Variants in HSPA4 observed in about 807,000 individuals in gnomAD.
The protein encoded by HSPA4 is heat shock protein family A (Hsp70) member 4.
In HSPA4, 25 loss-of-function variants were observed where a neutral mutation model predicts 106.2. The observed-to-expected ratio is 0.24, with a 90% CI of 0.17 to 0.33. The LOEUF is 0.33. HSPA4 is among the 10% of genes least tolerant of loss of function. HSPA4 has a pLI of 1.00. For synonymous variants in HSPA4, 332 were observed against 333.6 expected (o/e 1.00, Z 0.05); for missense variants, 841 against 996.0 (o/e 0.84, Z 2.10).
rs1554090695 is a variant in HSPA4, at chr5:133,106,161, TGG to T, written c.*1728_*1729del. ...TTTTTGGTGTGTGTGTGTGTGTGTG[TGG>T]GGAAGGGTGTGGGTGCTGGGATGGG... On this transcript the variant is annotated 3_prime_UTR_variant, in exon 19 of 19. Coordinates refer to ENST00000304858, the MANE Select transcript of HSPA4 (RefSeq NM_002154.4). The T allele has an allele frequency of 9.9e-6, 1 of 101,334 alleles. No homozygotes were observed. The highest frequency in any genetic ancestry group is 1.8e-5 in the Non-Finnish European group (1 of 54,900). The allele number at this position is 101,334 out of a possible 1,614,324, so 6.3% of individuals were successfully genotyped here. A position where few individuals can be genotyped will look rare whatever the true frequency, so the allele number is the denominator to read the frequency against.
At chr5:133,102,362 G>C (rs1056620981) in intron 17 of HSPA4, among the ~76,000 whole-genome samples, 6 of 152,172 alleles carry the variant, frequency 3.9e-5, no homozygotes, top group African/African-American at 1.4e-4. Flanking sequence ...AGAACCATAG[G>C]ATTTGCTGTA....
chr5:133,095,367 A>G (rs916671765), intron 13 of HSPA4, among the ~76,000 whole-genome samples: 2 of 152,226 alleles, frequency 1.3e-5, no homozygotes, highest in African/African-American at 4.8e-5. Context: ...CTGCAATCCT[A>G]AGAGAAGAGT....
chr5:133,097,763 G>A (rs1168111382), intron 15 of HSPA4, among the ~76,000 whole-genome samples: 2 of 151,538 alleles, frequency 1.3e-5, no homozygotes, highest in Non-Finnish European at 2.9e-5. Flanking sequence ...TGATCAGGCT[G>A]GTCTCTAACT....
chr5:133,086,934 C>A, intron 8 of HSPA4, 76 bp downstream of exon 8: 1 of 1,173,184 alleles, frequency 8.5e-7, no homozygotes, highest in African/African-American at 1.5e-5. Context: ...CTTACTTTTG[C>A]AAGCAGTGAT....
In HSPA4 at chr5:133,106,048, A is replaced by G. The variant is rs1486412319; in HGVS notation, c.*1612A>G. 6.8e-6 allele frequency: 1 copy of G among 147,242 alleles called. No individual in the cohort carries two copies. The highest frequency in any genetic ancestry group is 2.5e-5 in the African/African-American group (1 of 40,006). 9.1% of individuals were successfully genotyped at this position (147,242 alleles called of 1,614,324 possible). On this transcript the variant is annotated 3_prime_UTR_variant, in exon 19 of 19. Transcript: ENST00000304858. Reference sequence around the variant, plus strand: ...AAGTGCTGGCTGCAGGATTAAGCCAACCCTTTACAACTGGCCCAGACCGTA... The same window carrying G: ...AAGTGCTGGCTGCAGGATTAAGCCAGCCCTTTACAACTGGCCCAGACCGTA...
intron 1 of HSPA4, among the ~76,000 whole-genome samples, chr5:133,063,823 A>G (rs1581465887): frequency 1.3e-5 from 2 of 149,510 alleles, no homozygotes; most frequent in African/African-American, 2.5e-5. Flanking sequence ...GTGCAGTGGC[A>G]CAATCTCGGC....
rs1765856793 is a variant in HSPA4, at chr5:133,106,113, T to TAA, written c.*1677_*1678insAA. Reference sequence around the variant, plus strand: ...TTAAAAAAAAAAAAATTTTTTTTTTTTTTTTTTTTTTTTTTTTTTTTTTTT... The same window carrying TAA: ...TTAAAAAAAAAAAAATTTTTTTTTTTAATTTTTTTTTTTTTTTTTTTTTTTTT... On this transcript the variant is annotated 3_prime_UTR_variant, in exon 19 of 19. Coordinates refer to ENST00000304858, the MANE Select transcript of HSPA4 (RefSeq NM_002154.4). 1 of 51,068 alleles carries TAA rather than the reference T, an allele frequency of 2.0e-5. No homozygotes were observed. The highest frequency in any genetic ancestry group is 3.5e-5 in the Non-Finnish European group (1 of 28,662). The allele number at this position is 51,068 out of a possible 1,614,324, so 3.2% of individuals were successfully genotyped here.
chr5:133,099,139 A>AT (rs373321730), intron 15 of HSPA4, among the ~76,000 whole-genome samples: 12 of 151,090 alleles, frequency 7.9e-5, no homozygotes, highest in South Asian at 2.1e-4. Flanking sequence ...ATCTTATCTT[A>AT]TTTTTTTTGA....
chr5:133,077,887 T>A (rs1158577822), intron 7 of HSPA4, among the ~76,000 whole-genome samples: 1 of 152,146 alleles, frequency 6.6e-6, no homozygotes, highest in Non-Finnish European at 1.5e-5. Context: ...AGCAGTCTTG[T>A]GTGTGTGTAT....
intron 7 of HSPA4, among the ~76,000 whole-genome samples, chr5:133,077,444 G>A (rs1002974101): frequency 6.6e-6 from 1 of 152,130 alleles, no homozygotes; most frequent in Non-Finnish European, 1.5e-5. Flanking sequence ...CGCCATGTTG[G>A]CCAGGCTGGT....
chr5:133,076,607 A>G (rs11747001), intron 6 of HSPA4, 47 bp from the exon 7 acceptor site: 350,016 of 1,551,982 alleles, frequency 0.23, 40,926 homozygotes, highest in South Asian at 0.26. Context: ...CATCTGTTTC[A>G]AAATCGATTG....
At chr5:133,085,393 C>A (rs1765564889) in intron 7 of HSPA4, among the ~76,000 whole-genome samples, 1 of 151,100 alleles carries the variant, frequency 6.6e-6, no homozygotes, top group Non-Finnish European at 1.5e-5. Context: ...TGGCTCATGC[C>A]TGTAATCTCA....
chr5:133,066,550 G>T, intron 2 of HSPA4, among the ~76,000 whole-genome samples: 1 of 152,052 alleles, frequency 6.6e-6, no homozygotes, highest in East Asian at 1.9e-4. Flanking sequence ...ATATTTCATT[G>T]TATGAATAGC....
chr5:133,102,119 G>A (rs1765793534), intron 17 of HSPA4, among the ~76,000 whole-genome samples: 2 of 152,022 alleles, frequency 1.3e-5, no homozygotes, highest in African/African-American at 4.8e-5. Context: ...TAGAGATGGA[G>A]TTTTGCCATG....
chr5:133,096,357 G>C (rs931207926), intron 14 of HSPA4, 107 bp downstream of exon 14: 4 of 1,027,170 alleles, frequency 3.9e-6, no homozygotes, highest in African/African-American at 3.2e-5. Flanking sequence ...TTTGGACTTA[G>C]AGAAAATAAA....
rs70974072 is a variant in HSPA4, at chr5:133,106,102, ATTTTTTTTT to A, written c.*1696_*1704del. On this transcript the variant is annotated 3_prime_UTR_variant, in exon 19 of 19. Transcript: ENST00000304858. ...GCCATTTCTTCTTAAAAAAAAAAAAATTTTTTTTTTTTTTTTTTTTTTTTTTTTTTTTTT... is the reference window on the plus strand; with the variant it reads ...GCCATTTCTTCTTAAAAAAAAAAAAATTTTTTTTTTTTTTTTTTTTTTTTT... The A allele has an allele frequency of 4.8e-3, 277 of 57,194 alleles. 6 individuals are homozygous for A. The highest frequency in any genetic ancestry group is 0.011 in the Middle Eastern group (1 of 92). 3.5% of individuals were successfully genotyped at this position (57,194 alleles called of 1,614,324 possible).
chr5:133,093,687 C>T (rs377078490), intron 13 of HSPA4, among the ~76,000 whole-genome samples: 1 of 151,938 alleles, frequency 6.6e-6, no homozygotes, highest in East Asian at 2.0e-4. Context: ...GACAGGGTTT[C>T]TCCATGTTGG....
At chr5:133,089,410 T>G in intron 10 of HSPA4, 152 bp from the exon 11 acceptor site, 1 of 700,882 alleles carries the variant, frequency 1.4e-6, no homozygotes, top group Non-Finnish European at 2.3e-6. Context: ...ACTTTATATA[T>G]AAAGATTCTT....
chr5:133,096,407 A>G (rs1765712561), intron 14 of HSPA4, among the ~76,000 whole-genome samples, 157 bp downstream of exon 14: 1 of 152,234 alleles, frequency 6.6e-6, no homozygotes, highest in African/African-American at 2.4e-5. Context: ...AGTTGAAGCA[A>G]TAGATCCCAT....
Sources: allele counts gnomAD v4.1 joint callset (sites outside exome capture counted in the v4.1 genomes callset), GRCh38; gene constraint gnomAD v4.1.1; transcripts MANE v1.5; gene names NCBI Gene and HGNC (gene_info 2026-07-23, HGNC 2026-07-21).